TMEM278: variants seen among roughly 807,000 people sequenced by gnomAD.
The protein encoded by TMEM278 is transmembrane protein 88B.
chr1:1,426,166 G>T, the TMEM278 span: 1 of 1,416,402 alleles, frequency 7.1e-7, no homozygotes, highest in Non-Finnish European at 9.2e-7. Context: ...AGGAGGAGGG[G>T]GGAGGTGGTG....
chr1:1,427,653 G>C, the TMEM278 span: 1 of 1,345,620 alleles, frequency 7.4e-7, no homozygotes, highest in South Asian at 1.8e-5. Context: ...GCCGCTGCTG[G>C]TGCTCGCCTC....
the TMEM278 span, chr1:1,427,792 G>A: frequency 5.1e-6 from 7 of 1,378,832 alleles, no homozygotes; most frequent in South Asian, 1.4e-5. Context: ...GTGTGACCCG[G>A]CGGCCGCTGC....
chr1:1,429,623 C>T, the TMEM278 span, among the ~76,000 whole-genome samples: 2,505 of 152,246 alleles, frequency 0.016, 68 homozygotes, highest in African/African-American at 0.057. Flanking sequence ...CAGCTGTTAT[C>T]GGAGACAATT....
At chr1:1,429,507 A>G in the TMEM278 span, among the ~76,000 whole-genome samples, 1 of 152,194 alleles carries the variant, frequency 6.6e-6, no homozygotes, top group African/African-American at 2.4e-5. Flanking sequence ...TCTGTACTAA[A>G]TAATTCCAGT....
the TMEM278 span, among the ~76,000 whole-genome samples, chr1:1,426,897 G>A: frequency 2.6e-5 from 4 of 152,020 alleles, no homozygotes; most frequent in East Asian, 1.9e-4. Flanking sequence ...CGGGCAGAAC[G>A]CGGCAGTGGG....
chr1:1,426,166 G>A, the TMEM278 span: 1 of 1,416,406 alleles, frequency 7.1e-7, no homozygotes, highest in Non-Finnish European at 9.2e-7. Flanking sequence ...AGGAGGAGGG[G>A]GGAGGTGGTG....
the TMEM278 span, among the ~76,000 whole-genome samples, chr1:1,429,940 A>G: frequency 6.6e-6 from 1 of 152,228 alleles, no homozygotes; most frequent in Middle Eastern, 3.2e-3. Flanking sequence ...AGCTCTCTGC[A>G]GCCTCGCCCT....
the TMEM278 span, among the ~76,000 whole-genome samples, chr1:1,427,196 G>A: frequency 3.8e-5 from 5 of 132,290 alleles, no homozygotes; most frequent in South Asian, 2.5e-4. Flanking sequence ...TCCCTTTGCC[G>A]TGGCCCTGCA....
chr1:1,426,519 C>A, the TMEM278 span: 32 of 711,684 alleles, frequency 4.5e-5, no homozygotes, highest in Non-Finnish European at 6.1e-5. Context: ...CCCTGGCAGC[C>A]CCTTCTCCCA....
At chr1:1,427,914 C>T in the TMEM278 span, 1 of 924,098 alleles carries the variant, frequency 1.1e-6, no homozygotes, top group Non-Finnish European at 1.4e-6. Flanking sequence ...GCGCTCCCGG[C>T]TTACGACCCC....
chr1:1,426,164 G>A, the TMEM278 span: 1,587 of 1,416,570 alleles, frequency 1.1e-3, 60 homozygotes, highest in East Asian at 0.035. Flanking sequence ...GGAGGAGGAG[G>A]GGGGAGGTGG....
At chr1:1,426,486 T>A in the TMEM278 span, 1 of 1,018,548 alleles carries the variant, frequency 9.8e-7, no homozygotes, top group Non-Finnish European at 1.3e-6. Context: ...TTGCCCCTTG[T>A]CCTCAGAGAC....
the TMEM278 span, among the ~76,000 whole-genome samples, chr1:1,429,632 T>A: frequency 1.1e-3 from 173 of 152,304 alleles, 1 homozygote; most frequent in East Asian, 0.022. Flanking sequence ...TCGGAGACAA[T>A]TCTGAGGTCC....
the TMEM278 span, among the ~76,000 whole-genome samples, chr1:1,429,578 A>G: frequency 7.2e-5 from 11 of 152,110 alleles, no homozygotes; most frequent in Admixed American, 1.3e-4. Context: ...CATCAGTAGC[A>G]TGGTGTTTCT....
the TMEM278 span, among the ~76,000 whole-genome samples, chr1:1,428,273 C>T: frequency 7.8e-4 from 118 of 151,858 alleles, no homozygotes; most frequent in African/African-American, 2.7e-3. Context: ...AGGCCTCCCG[C>T]GCCTGCCCAG....
At chr1:1,426,984 T>C in the TMEM278 span, among the ~76,000 whole-genome samples, 1 of 151,230 alleles carries the variant, frequency 6.6e-6, no homozygotes, top group Non-Finnish European at 1.5e-5. Flanking sequence ...TGTTCACCCC[T>C]CAGCACTGCC....
chr1:1,427,322 T>C, the TMEM278 span, among the ~76,000 whole-genome samples: 1 of 54,752 alleles, frequency 1.8e-5, no homozygotes, highest in Non-Finnish European at 3.6e-5. Flanking sequence ...CCACACCCTC[T>C]CCTCCGCGCC....
At chr1:1,429,314 C>T in the TMEM278 span, among the ~76,000 whole-genome samples, 1 of 151,684 alleles carries the variant, frequency 6.6e-6, no homozygotes. Flanking sequence ...TGCCACTGCA[C>T]TCCAGCCTGG....
At chr1:1,428,362 C>T in the TMEM278 span, among the ~76,000 whole-genome samples, 1 of 152,052 alleles carries the variant, frequency 6.6e-6, no homozygotes, top group Non-Finnish European at 1.5e-5. Context: ...GTTCCAGAAG[C>T]CCAGGGGTGG....
Sources: allele counts gnomAD v4.1 joint callset (sites outside exome capture counted in the v4.1 genomes callset), GRCh38; gene constraint gnomAD v4.1.1; transcripts MANE v1.5; gene names NCBI Gene and HGNC (gene_info 2026-07-23, HGNC 2026-07-21).